Variants in SCAPER observed in about 807,000 individuals in gnomAD.
The protein encoded by SCAPER is S phase cyclin A-associated protein in the endoplasmic reticulum.
Under a neutral mutation model 182.2 loss-of-function variants are expected in SCAPER, and 98 were observed. The ratio of observed to expected loss-of-function variants is 0.54; its 90% CI spans 0.46 to 0.64. SCAPER has a LOEUF of 0.64. Ranked by LOEUF, SCAPER falls within the 30% of genes least tolerant of loss-of-function variation. SCAPER has a pLI of 0.00. For synonymous variants in SCAPER, 605 were observed against 564.6 expected, an observed-to-expected ratio of 1.07 and a Z score of -1.01; for missense variants, 1,432 against 1,690.0, an observed-to-expected ratio of 0.85 and a Z score of 2.68.
At chr15:76,647,368 T>C (rs2054632388) in intron 21 of SCAPER, among the ~76,000 whole-genome samples, 1 of 152,220 alleles carries the variant, frequency 6.6e-6, no homozygotes, top group South Asian at 2.1e-4. Flanking sequence ...AACTTAGAAA[T>C]TCTTAAATAT....
chr15:76,403,523 T>A (rs1319576782), intron 27 of SCAPER, among the ~76,000 whole-genome samples: 1 of 152,174 alleles, frequency 6.6e-6, no homozygotes, highest in East Asian at 1.9e-4. Context: ...ATGTTGAGGA[T>A]GTTCATTTTA....
chr15:76,845,126 A>G (rs2069934404), intron 4 of SCAPER, among the ~76,000 whole-genome samples: 1 of 152,158 alleles, frequency 6.6e-6, no homozygotes. Flanking sequence ...AAAATCACAC[A>G]ATCATTCCAA....
intron 2 of SCAPER, 26 bp from the exon 3 acceptor site, chr15:76,862,559 T>C: frequency 7.6e-7 from 1 of 1,314,982 alleles, no homozygotes; most frequent in Non-Finnish European, 1.1e-6. Flanking sequence ...ATGGTACTTA[T>C]TAGATTATTA....
chr15:76,453,955 T>C (rs2142870578), intron 25 of SCAPER, among the ~76,000 whole-genome samples: 1 of 152,318 alleles, frequency 6.6e-6, no homozygotes, highest in East Asian at 1.9e-4. Context: ...TTCCAATATG[T>C]AGTAGTACAG....
intron 5 of SCAPER, among the ~76,000 whole-genome samples, chr15:76,812,498 AAAGAAAG>A: frequency 1.4e-5 from 1 of 73,530 alleles, no homozygotes; most frequent in East Asian, 8.5e-4. Flanking sequence ...AAAAAAAAAA[AAAGAAAG>A]AAAGAAAGAA....
At chr15:76,771,455 T>C (rs932251680) in intron 10 of SCAPER, among the ~76,000 whole-genome samples, 1 of 152,142 alleles carries the variant, frequency 6.6e-6, no homozygotes, top group Non-Finnish European at 1.5e-5. Context: ...TTATTGTTAC[T>C]AGTTTAGATT....
chr15:76,596,326 CAA>C (rs34691848), intron 22 of SCAPER, among the ~76,000 whole-genome samples: 10 of 75,352 alleles, frequency 1.3e-4, no homozygotes, highest in Admixed American at 1.8e-4. Flanking sequence ...GCCTACCAAC[CAA>C]AAAAAAAAAA....
chr15:76,463,974 A>G (rs1031939369), intron 25 of SCAPER, among the ~76,000 whole-genome samples: 2 of 106,752 alleles, frequency 1.9e-5, no homozygotes, highest in Non-Finnish European at 3.9e-5. Flanking sequence ...TTATCCATCT[A>G]TTTTCACAGC....
intron 1 of SCAPER, among the ~76,000 whole-genome samples, chr15:76,884,289 T>C (rs2073729633): frequency 1.3e-5 from 2 of 152,248 alleles, no homozygotes; most frequent in South Asian, 4.1e-4. Context: ...CTGCTTTCAC[T>C]GAACTGACTC....
chr15:76,714,405 AT>A (rs1231485677), intron 17 of SCAPER, among the ~76,000 whole-genome samples: 1 of 152,162 alleles, frequency 6.6e-6, no homozygotes, highest in Non-Finnish European at 1.5e-5. Context: ...AAACCATTAC[AT>A]TACTAAACAA....
chr15:76,641,489 C>T (rs2054099817), intron 21 of SCAPER, among the ~76,000 whole-genome samples: 1 of 152,136 alleles, frequency 6.6e-6, no homozygotes, highest in Non-Finnish European at 1.5e-5. Flanking sequence ...ACCCAGCTTT[C>T]ACTATCTTGT....
At chr15:76,619,841 G>T (rs1322351701) in intron 22 of SCAPER, among the ~76,000 whole-genome samples, 4 of 152,136 alleles carry the variant, frequency 2.6e-5, no homozygotes, top group African/African-American at 7.2e-5. Flanking sequence ...ACTTTGGGAG[G>T]CTAAGGTGAG....
At chr15:76,408,993 G>C (rs1336956441) in intron 26 of SCAPER, among the ~76,000 whole-genome samples, 1 of 152,130 alleles carries the variant, frequency 6.6e-6, no homozygotes, top group African/African-American at 2.4e-5. Flanking sequence ...TTGTTGAGTG[G>C]TTGGTCCTTT....
At chr15:76,559,331 C>T (rs924870957) in intron 23 of SCAPER, among the ~76,000 whole-genome samples, 1 of 150,750 alleles carries the variant, frequency 6.6e-6, no homozygotes, top group Non-Finnish European at 1.5e-5. Flanking sequence ...GCTGGGATTA[C>T]AGTTGTGAGC....
In SCAPER at chr15:76,800,346, C is replaced by A. The variant is rs772413408; in HGVS notation, c.513G>T (p.Trp171Cys). Residue 171 changes from tryptophan to cysteine, a missense_variant, in exon 7 of 32, where the codon TGG becomes TGT. By Grantham distance (215) the Trp-to-Cys change is radical. Around this residue, in one of 5 missense-constraint regions of SCAPER, gnomAD observed 480 missense variants for 510.2 expected, o/e 0.94. Transcript: ENST00000563290. Reference sequence around the variant, plus strand: ...GTCCCGGAGACATCTTCTTTACTTCCCATGCCAATGATGTTGGTCTGCGAA... The same window carrying A: ...GTCCCGGAGACATCTTCTTTACTTCACATGCCAATGATGTTGGTCTGCGAA... ...DAQSRPTSLA[W>C]EVKKMSPGRH... 5.0e-6 allele frequency: 8 copies of A among 1,610,450 alleles called. No homozygotes were observed. The highest frequency in any genetic ancestry group is 6.8e-6 in the Non-Finnish European group (8 of 1,177,298).
chr15:76,858,243 A>G (rs1405265193), intron 3 of SCAPER, among the ~76,000 whole-genome samples: 3 of 152,218 alleles, frequency 2.0e-5, no homozygotes, highest in Non-Finnish European at 4.4e-5. Context: ...TAGTTCTTTA[A>G]GTTCAAATTT....
intron 20 of SCAPER, among the ~76,000 whole-genome samples, chr15:76,687,951 T>C (rs2058123912): frequency 6.6e-6 from 1 of 152,246 alleles, no homozygotes; most frequent in Admixed American, 6.5e-5. Flanking sequence ...TTTGGGTATA[T>C]ACCCAGTAAT....
chr15:76,556,075 G>A (rs2046173090), intron 23 of SCAPER, among the ~76,000 whole-genome samples: 1 of 151,986 alleles, frequency 6.6e-6, no homozygotes, highest in African/African-American at 2.4e-5. Context: ...ATACTAGGAC[G>A]GCCACTGAAA....
At chr15:76,464,068 T>C (rs957125883) in intron 25 of SCAPER, among the ~76,000 whole-genome samples, 1 of 148,558 alleles carries the variant, frequency 6.7e-6, no homozygotes, top group South Asian at 2.2e-4. Context: ...TTTAGGTGCA[T>C]ATTACAATAT....
Sources: allele counts gnomAD v4.1 joint callset (sites outside exome capture counted in the v4.1 genomes callset), GRCh38; gene constraint gnomAD v4.1.1; regional missense constraint gnomAD v4.1.1; transcripts MANE v1.5; gene names NCBI Gene and HGNC (gene_info 2026-07-23, HGNC 2026-07-21).